Variants in PRKN observed in about 807,000 individuals in gnomAD.
PRKN encodes the protein E3 ubiquitin-protein ligase parkin.
In PRKN, 56 loss-of-function variants were observed where a neutral mutation model predicts 59.5. The observed-to-expected ratio is 0.94, with a 90% CI of 0.76 to 1.18. The LOEUF (loss-of-function observed/expected upper bound fraction) is 1.18, where lower values mean the gene tolerates loss of function less well. Among genes scored for constraint, PRKN ranks in the 50% most tolerant of loss-of-function variants. The pLI is 0.00. For synonymous variants in PRKN, 250 were observed against 222.1 expected (o/e 1.13, Z -1.12); for missense variants, 657 against 596.4 (o/e 1.10, Z -1.06).
At chr6:161,786,022 A>C in intron 6 of PRKN, 114 bp from the exon 7 acceptor site, 1 of 1,042,126 alleles carries the variant, frequency 9.6e-7, no homozygotes, top group Non-Finnish European at 1.5e-6. Flanking sequence ...GCTCTGTGCA[A>C]AGACCGGAGC....
chr6:162,469,900 A>G (rs1026925919), intron 1 of PRKN, among the ~76,000 whole-genome samples: 2 of 152,178 alleles, frequency 1.3e-5, no homozygotes, highest in African/African-American at 4.8e-5. Flanking sequence ...TTAAAAAAAG[A>G]AAGTGTGGGT....
chr6:162,480,000 G>A (rs62428778), intron 1 of PRKN, among the ~76,000 whole-genome samples: 22,442 of 151,870 alleles, frequency 0.15, 1,855 homozygotes, highest in Non-Finnish European at 0.17. Context: ...GGGAGGTGGA[G>A]GTTGCAGTGG....
At chr6:162,355,845 C>T (rs914884213) in intron 2 of PRKN, among the ~76,000 whole-genome samples, 1 of 152,066 alleles carries the variant, frequency 6.6e-6, no homozygotes, top group Non-Finnish European at 1.5e-5. Context: ...AATTTGTTTA[C>T]AAGGTAAAGG....
chr6:162,438,413 T>A (rs1022191076), intron 2 of PRKN, among the ~76,000 whole-genome samples: 1 of 152,214 alleles, frequency 6.6e-6, no homozygotes, highest in African/African-American at 2.4e-5. Flanking sequence ...AAATTCCTTT[T>A]TTTGTTGTTT....
At chr6:162,132,473 T>C (rs578099558) in intron 4 of PRKN, among the ~76,000 whole-genome samples, 1 of 152,166 alleles carries the variant, frequency 6.6e-6, no homozygotes, top group African/African-American at 2.4e-5. Flanking sequence ...CAGTATCTTG[T>C]CTGAGAAGGA....
Position 161,545,686 on chromosome 6 carries a change from C to T in PRKN, c.1083+3168G>A, listed in dbSNP as rs1453489615. 1.3e-5 allele frequency among the ~76,000 whole-genome samples: 2 copies of T among 152,152 alleles called. No individual in the cohort carries two copies. Among genetic ancestry groups the T allele is most frequent in the Admixed American group, 6.5e-5 (1 of 15,280 alleles). ...AAGCCAGGAAACCAGTTTCCAAATC[C>T]ACTGTGTTTATGACCTCTATATATG... On this transcript the variant is annotated intron_variant, in intron 9 of 11. Transcript: ENST00000366898. The surrounding 1 kb of genome is among the most constrained non-coding windows in gnomAD (Gnocchi z 4.1).
chr6:162,608,171 G>A (rs916149660), intron 1 of PRKN, among the ~76,000 whole-genome samples: 7 of 152,216 alleles, frequency 4.6e-5, no homozygotes, highest in African/African-American at 1.7e-4. Context: ...TGTTATTGAA[G>A]TTATGGACCA....
At chr6:161,955,643 G>A (rs998360765) in intron 6 of PRKN, among the ~76,000 whole-genome samples, 13 of 152,172 alleles carry the variant, frequency 8.5e-5, no homozygotes, top group African/African-American at 2.9e-4. Flanking sequence ...CTGAGGTCAG[G>A]AGTTTGAGAC....
intron 6 of PRKN, among the ~76,000 whole-genome samples, chr6:161,858,550 A>G (rs1793748745): frequency 6.6e-6 from 1 of 152,156 alleles, no homozygotes. Flanking sequence ...AGTGTGACCC[A>G]GAGACTTCTG....
chr6:162,132,688 T>A (rs528076922), intron 4 of PRKN, among the ~76,000 whole-genome samples: 1 of 152,094 alleles, frequency 6.6e-6, no homozygotes, highest in African/African-American at 2.4e-5. Context: ...GGGTCTGGTG[T>A]CAGGGGTAAA....
intron 2 of PRKN, among the ~76,000 whole-genome samples, chr6:162,406,694 T>G (rs1049249034): frequency 6.6e-6 from 1 of 152,242 alleles, no homozygotes; most frequent in Admixed American, 6.5e-5. Context: ...AGAGAAGAGA[T>G]AGGAGCGCAC....
intron 6 of PRKN, among the ~76,000 whole-genome samples, chr6:161,875,473 G>A (rs1018230833): frequency 2.6e-5 from 4 of 152,082 alleles, no homozygotes; most frequent in African/African-American, 4.8e-5. Flanking sequence ...GATTACAGGC[G>A]TGAGCCACTG....
chr6:161,707,932 C>T (rs1342025154), intron 7 of PRKN, among the ~76,000 whole-genome samples: 1 of 152,066 alleles, frequency 6.6e-6, no homozygotes, highest in Non-Finnish European at 1.5e-5. Flanking sequence ...TTAATAATGC[C>T]CTTCTCTGAA....
intron 7 of PRKN, among the ~76,000 whole-genome samples, chr6:161,692,947 CAAAAA>C (rs59954623): frequency 4.9e-4 from 59 of 120,870 alleles, no homozygotes; most frequent in South Asian, 1.2e-3. Context: ...GACTCTGTCT[CAAAAA>C]AAAAAAAAAA....
chr6:161,485,006 G>C (rs1264302397), intron 9 of PRKN, among the ~76,000 whole-genome samples: 1 of 152,164 alleles, frequency 6.6e-6, no homozygotes, highest in African/African-American at 2.4e-5. Flanking sequence ...AAAGGAACCA[G>C]TCAGATCAGC....
intron 7 of PRKN, among the ~76,000 whole-genome samples, chr6:161,611,308 C>T (rs1782480915): frequency 6.6e-6 from 1 of 152,182 alleles, no homozygotes; most frequent in Non-Finnish European, 1.5e-5. Context: ...CACAGGCACA[C>T]CTCTTCTTCT....
intron 6 of PRKN, among the ~76,000 whole-genome samples, chr6:161,894,331 A>T (rs1346486336): frequency 6.6e-6 from 1 of 152,124 alleles, no homozygotes; most frequent in Admixed American, 6.5e-5. Context: ...TTCTTATAAC[A>T]TCTCTCTTCA....
At chr6:161,426,190 C>G (rs1039320498) in intron 9 of PRKN, among the ~76,000 whole-genome samples, 2 of 152,202 alleles carry the variant, frequency 1.3e-5, no homozygotes, top group Non-Finnish European at 2.9e-5. Flanking sequence ...AGATGTCCCA[C>G]TGCCCCTGAA....
In PRKN at chr6:161,395,605, C is replaced by T. The variant is rs965227858; in HGVS notation, c.1084-8728G>A. Among the ~76,000 whole-genome samples the T allele has an allele frequency of 6.6e-6, 1 of 152,188 alleles. No homozygotes were observed. Among genetic ancestry groups the T allele is most frequent in the Non-Finnish European group, 1.5e-5 (1 of 68,040 alleles). ...GTGGGTGGAAGCTGCTTCCCCAACA[C>T]GCTGTGGTCTCAACCACCGCCTTTG... On this transcript the variant is annotated intron_variant, in intron 9 of 11. Coordinates refer to ENST00000366898, the MANE Select transcript of PRKN (RefSeq NM_004562.3). The surrounding 1 kb of genome is among the most constrained non-coding windows in gnomAD (Gnocchi z 5.0).
Sources: gnomAD v4.1 joint callset for allele counts (sites outside exome capture counted in the v4.1 genomes callset) on GRCh38, gnomAD v4.1.1 for gene constraint, Gnocchi (gnomAD v3.1) non-coding constraint, MANE v1.5 for transcripts, NCBI Gene and HGNC (gene_info 2026-07-23, HGNC 2026-07-21) for gene names.